GATAD2A: variants seen among roughly 807,000 people sequenced by gnomAD.
The protein encoded by GATAD2A is transcriptional repressor p66-alpha.
In GATAD2A, 12 loss-of-function variants were observed where a neutral mutation model predicts 68.5. The ratio of observed to expected loss-of-function variants is 0.18; its 90% CI spans 0.11 to 0.28. The LOEUF (loss-of-function observed/expected upper bound fraction) is 0.28, where lower values mean the gene tolerates loss of function less well. Ranked by LOEUF, GATAD2A falls within the 10% of genes least tolerant of loss-of-function variation. GATAD2A has a pLI of 1.00. For missense variants in GATAD2A, 755 were observed against 868.5 expected (o/e 0.87, Z 1.64); for synonymous variants, 410 against 375.3 (o/e 1.09, Z -1.07).
At chr19:19,439,377 G>A (rs900955067) in intron 1 of GATAD2A, among the ~76,000 whole-genome samples, 1 of 152,232 alleles carries the variant, frequency 6.6e-6, no homozygotes, top group Non-Finnish European at 1.5e-5. Flanking sequence ...GGACCAAGGT[G>A]TGAATGATGC....
Position 19,501,401 on chromosome 19 carries a change from C to T in GATAD2A, c.1488C>T (p.His496=). 1 of 1,599,816 alleles carries T rather than the reference C, an allele frequency of 6.3e-7. No homozygotes were observed. The highest frequency in any genetic ancestry group is 8.5e-7 in the Non-Finnish European group (1 of 1,173,896). The change falls in exon 9 of 12, where the codon CAC becomes CAT. Residue 496 remains histidine (H), a synonymous_variant. Coordinates refer to ENST00000683918, the MANE Select transcript of GATAD2A (RefSeq NM_001384528.1). ...AGGCCGAGCCCACCGCTGCCCCACA[C>T]CCCGTGCTGAAGCAGGTGAGCCTGG... ...QAKAEPTAAP[H]PVLKQVIKPR... is the part of the protein sequence containing the mutation.
intron 1 of GATAD2A, among the ~76,000 whole-genome samples, chr19:19,430,244 T>TCCAG (rs911480872): frequency 3.9e-5 from 6 of 152,186 alleles, no homozygotes; most frequent in African/African-American, 7.2e-5. Context: ...CTAATTCTTC[T>TCCAG]CCAGCCAGCC....
intron 1 of GATAD2A, among the ~76,000 whole-genome samples, chr19:19,406,551 C>A (rs1333120833): frequency 6.6e-6 from 1 of 152,162 alleles, no homozygotes; most frequent in Non-Finnish European, 1.5e-5. Context: ...TCGCGCCCTT[C>A]CTGCCTAACC....
chr19:19,457,421 G>A (rs1298758845), intron 1 of GATAD2A, among the ~76,000 whole-genome samples: 3 of 152,124 alleles, frequency 2.0e-5, no homozygotes, highest in African/African-American at 7.2e-5. Flanking sequence ...ACCTGTGCCT[G>A]TCACTTCAGG....
chr19:19,444,466 G>A (rs1402032013), intron 1 of GATAD2A, among the ~76,000 whole-genome samples: 2 of 152,164 alleles, frequency 1.3e-5, no homozygotes, highest in Non-Finnish European at 2.9e-5. Context: ...GCCTATCGTT[G>A]TTGGCACCCC....
At chr19:19,476,533 T>C (rs1379638650) in intron 2 of GATAD2A, among the ~76,000 whole-genome samples, 1 of 152,222 alleles carries the variant, frequency 6.6e-6, no homozygotes, top group African/African-American at 2.4e-5. Context: ...TGCTTTTCAG[T>C]CTGCAGCCAG....
chr19:19,406,328 A>T (rs2050247531), intron 1 of GATAD2A, among the ~76,000 whole-genome samples: 1 of 144,316 alleles, frequency 6.9e-6, no homozygotes, highest in Non-Finnish European at 1.5e-5. Context: ...CTGGGCCGCG[A>T]GGCGCCTCTT....
intron 1 of GATAD2A, among the ~76,000 whole-genome samples, chr19:19,452,072 C>T (rs1386122995): frequency 1.3e-5 from 2 of 152,200 alleles, no homozygotes; most frequent in Non-Finnish European, 2.9e-5. Flanking sequence ...ACTGTGCATG[C>T]GTATGAGTGT....
At chr19:19,415,956 T>C (rs897691104) in intron 1 of GATAD2A, among the ~76,000 whole-genome samples, 15 of 103,540 alleles carry the variant, frequency 1.4e-4, no homozygotes, top group Non-Finnish European at 5.1e-5. Flanking sequence ...TTTCCCTGTA[T>C]GGTTTTTTTT....
chr19:19,390,601 T>C (rs2048775710), intron 1 of GATAD2A, among the ~76,000 whole-genome samples: 1 of 152,070 alleles, frequency 6.6e-6, no homozygotes, highest in African/African-American at 2.4e-5. Flanking sequence ...CCCTGTAAAA[T>C]GGGGTAATTT....
At chr19:19,444,496 A>G (rs1034774795) in intron 1 of GATAD2A, among the ~76,000 whole-genome samples, 1 of 152,146 alleles carries the variant, frequency 6.6e-6, no homozygotes, top group African/African-American at 2.4e-5. Context: ...CCTGATCCCT[A>G]AGTAGAAACT....
rs1382236480 is a variant in GATAD2A, at chr19:19,501,949, T to C, written c.1504-20T>C. ...GCCAGCGGACCGCACTGACTTTGCT[T>C]TCAACCCCCGTTTGTGTAGGTCATA... On this transcript the variant is annotated intron_variant, in intron 9 of 11. Coordinates refer to ENST00000683918, the MANE Select transcript of GATAD2A (RefSeq NM_001384528.1). The C allele has an allele frequency of 4.3e-6, 7 of 1,610,910 alleles. No individual in the cohort carries two copies. The highest frequency in any genetic ancestry group is 4.2e-6 in the Non-Finnish European group (5 of 1,177,162).
rs2060908128 is a variant in GATAD2A, at chr19:19,507,329, C to T, written c.*1855C>T. The T allele has an allele frequency of 6.6e-6, 1 of 151,946 alleles. No homozygotes were observed. Among genetic ancestry groups the T allele is most frequent in the South Asian group, 2.1e-4 (1 of 4,828 alleles). The allele number at this position is 151,946 out of a possible 1,614,324, so 9.4% of individuals were successfully genotyped here. A position where few individuals can be genotyped will look rare whatever the true frequency, so the allele number is the denominator to read the frequency against. On this transcript the variant is annotated 3_prime_UTR_variant, in exon 12 of 12. Transcript: ENST00000683918. ...TTCTGTGTGCCTGGCAAATAAATAC[C>T]TGTCTCCTACGACCCTGAGCTGTTA...
chr19:19,480,915 C>T (rs2059012435), intron 2 of GATAD2A, among the ~76,000 whole-genome samples: 2 of 152,206 alleles, frequency 1.3e-5, no homozygotes, highest in African/African-American at 2.4e-5. Flanking sequence ...CCAGGCACAG[C>T]GAGCACTTTC....
In GATAD2A at chr19:19,415,126, T is replaced by A. The variant is rs527573978; in HGVS notation, c.-7+9107T>A. ...AAAAAACCCCAAAAAACTGTAGTAG[T>A]GTTGAGTAGGTGATGTCTTTACTTT... On this transcript the variant is annotated intron_variant, in intron 1 of 11. Transcript: ENST00000683918. 5.9e-4 allele frequency among the ~76,000 whole-genome samples: 69 copies of A among 117,392 alleles called. 3 individuals are homozygous for A. In the South Asian group the frequency reaches 0.019, roughly 32 times the overall value. The allele number at this position is 117,392 out of a possible 152,430, so 77.0% of individuals were successfully genotyped here.
rs1377121972 is a variant in GATAD2A at position 19,434,994 on chromosome 19, A to G, written c.-7+28975A>G. ...ATGGTGGCTGGTTTCCCTGGGGTCC[A>G]TGACAGACAACATGATGGTGAGGAG... On this transcript the variant is annotated intron_variant, in intron 1 of 11. Transcript: ENST00000683918. The G allele has an allele frequency of 1.4e-5, 6 of 436,564 alleles. No homozygotes were observed. In the East Asian group the frequency reaches 2.8e-4, roughly 20 times the overall value. The allele number at this position is 436,564 out of a possible 1,614,324, so 27.0% of individuals were successfully genotyped here.
At chr19:19,414,446 T>C in intron 1 of GATAD2A, among the ~76,000 whole-genome samples, 1 of 152,100 alleles carries the variant, frequency 6.6e-6, no homozygotes, top group South Asian at 2.1e-4. Flanking sequence ...CTGATGTCTT[T>C]GTGGCTTGGT....
chr19:19,406,173 G>C (rs546889475), intron 1 of GATAD2A, among the ~76,000 whole-genome samples, 154 bp downstream of exon 1: 18 of 151,894 alleles, frequency 1.2e-4, no homozygotes, highest in African/African-American at 3.6e-4. Flanking sequence ...TCTACTCCTT[G>C]TATTCTGGGA....
At chr19:19,409,938 A>C (rs1462782959) in intron 1 of GATAD2A, among the ~76,000 whole-genome samples, 1 of 152,210 alleles carries the variant, frequency 6.6e-6, no homozygotes, top group African/African-American at 2.4e-5. Flanking sequence ...CTTTTAGAAG[A>C]CAAAGGAATT....
Sources: gnomAD v4.1 joint callset for allele counts (sites outside exome capture counted in the v4.1 genomes callset) on GRCh38, gnomAD v4.1.1 for gene constraint, MANE v1.5 for transcripts, NCBI Gene and HGNC (gene_info 2026-07-23, HGNC 2026-07-21) for gene names.